Variants in ADGRA3 observed in about 807,000 individuals in gnomAD.
ADGRA3 encodes the protein G-protein coupled receptor 125.
ADGRA3 carries 56 observed loss-of-function variants against 119.8 expected under a neutral mutation model. The ratio of observed to expected loss-of-function variants is 0.47; its 90% CI spans 0.38 to 0.58. The LOEUF is 0.58. ADGRA3 is among the 20% of genes least tolerant of loss of function. ADGRA3 has a pLI of 0.00. For synonymous variants in ADGRA3, 607 were observed against 623.8 expected (o/e 0.97, Z 0.40); for missense variants, 1,516 against 1,649.0 (o/e 0.92, Z 1.40).
At chr4:22,441,411 G>A (rs139524583) in intron 7 of ADGRA3, among the ~76,000 whole-genome samples, 137 of 152,276 alleles carry the variant, frequency 9.0e-4, no homozygotes, top group Middle Eastern at 6.8e-3. Flanking sequence ...GTCAGAGGTC[G>A]GCAGACTTTT....
At position 22,388,829 on chromosome 4, in the gene ADGRA3, G is replaced by C. The variant is rs761917636; in HGVS notation, c.2842C>G (p.Arg948Gly). The change falls in exon 19 of 19, where the codon CGC (arginine) becomes GGC (glycine). Residue 948 changes from arginine (R) to glycine (G), a missense_variant. Around this residue, in one of 2 missense-constraint regions of ADGRA3, gnomAD observed 1,088 missense variants for 1,107.1 expected, o/e 0.98. Transcript: ENST00000334304. ...GTGGGCTCCTTAAGCTCATATTTGC[G>C]CTCAGGGTGTCTTTTCAACTGAATA... Reference protein sequence around the residue: ...IFIQLKRHPERKYELKEPTEE... With the variant: ...IFIQLKRHPEGKYELKEPTEE... 5 of 1,613,830 alleles carry C rather than the reference G, an allele frequency of 3.1e-6. No individual in the cohort carries two copies. The highest frequency in any genetic ancestry group is 4.2e-6 in the Non-Finnish European group (5 of 1,179,962).
intron 1 of ADGRA3, among the ~76,000 whole-genome samples, chr4:22,505,250 A>G (rs946540714): frequency 9.2e-5 from 14 of 152,312 alleles, no homozygotes; most frequent in African/African-American, 2.9e-4. Flanking sequence ...GGACATGGGA[A>G]AAAAAGCAAT....
chr4:22,418,839 A>G (rs769157726), intron 12 of ADGRA3, among the ~76,000 whole-genome samples: 2 of 152,156 alleles, frequency 1.3e-5, no homozygotes, highest in Non-Finnish European at 2.9e-5. Flanking sequence ...TGGTGAAAAG[A>G]GAGGTCTGGG....
intron 3 of ADGRA3, among the ~76,000 whole-genome samples, chr4:22,460,929 T>C (rs1157274159): frequency 6.6e-6 from 1 of 152,214 alleles, no homozygotes; most frequent in Non-Finnish European, 1.5e-5. Context: ...GGCTTTTGTG[T>C]AGAGCCGCTT....
At chr4:22,433,773 A>T (rs2323408) in intron 10 of ADGRA3, among the ~76,000 whole-genome samples, 136,262 of 151,788 alleles carry the variant, frequency 0.9, 62,345 homozygotes, top group South Asian at 0.98. Context: ...TGTGGGCACC[A>T]ACCCTGTCAT....
intron 3 of ADGRA3, among the ~76,000 whole-genome samples, chr4:22,460,294 G>A (rs1717396263): frequency 6.6e-6 from 1 of 152,150 alleles, no homozygotes; most frequent in Admixed American, 6.5e-5. Context: ...TGTCATGTTG[G>A]CATAAGGATT....
chr4:22,443,346 AAC>A (rs1232765859), intron 6 of ADGRA3, among the ~76,000 whole-genome samples: 71 of 152,306 alleles, frequency 4.7e-4, no homozygotes, highest in African/African-American at 1.6e-3. Flanking sequence ...ATATACCGTA[AAC>A]AGTTTTTAAT....
At chr4:22,452,974 G>A (rs1717103374) in intron 4 of ADGRA3, among the ~76,000 whole-genome samples, 1 of 151,808 alleles carries the variant, frequency 6.6e-6, no homozygotes, top group East Asian at 2.0e-4. Flanking sequence ...TGGGTTGAGT[G>A]GATCACGAGG....
At chr4:22,503,419 GAATT>G (rs1719117997) in intron 1 of ADGRA3, among the ~76,000 whole-genome samples, 1 of 152,132 alleles carries the variant, frequency 6.6e-6, no homozygotes, top group Admixed American at 6.6e-5. Context: ...GATGGGAAAT[GAATT>G]AATTACTCAG....
chr4:22,466,543 A>G (rs1346647260), intron 2 of ADGRA3, among the ~76,000 whole-genome samples: 1 of 152,164 alleles, frequency 6.6e-6, no homozygotes, highest in African/African-American at 2.4e-5. Context: ...CCTGGCCAAC[A>G]TGGTGAAACC....
intron 6 of ADGRA3, among the ~76,000 whole-genome samples, chr4:22,444,258 A>C (rs1716742981): frequency 6.6e-6 from 1 of 152,168 alleles, no homozygotes; most frequent in South Asian, 2.1e-4. Context: ...ATTAACTATA[A>C]GATACAGAAT....
chr4:22,409,567 A>G (rs955352230), intron 14 of ADGRA3, among the ~76,000 whole-genome samples: 1 of 152,120 alleles, frequency 6.6e-6, no homozygotes, highest in Admixed American at 6.5e-5. Context: ...TGACAGTACT[A>G]TTTCTCATGA....
At position 22,413,075 on chromosome 4, in the gene ADGRA3, T is replaced by TAAAAAAAA. The variant is rs74406494; in HGVS notation, c.2232+99_2232+106dup. On this transcript the variant is annotated intron_variant, in intron 14 of 18. Coordinates refer to ENST00000334304, the MANE Select transcript of ADGRA3 (RefSeq NM_145290.4). ...CAAAGGGAGCAAATTATGTTAAAAGTAAAAAAAAAAAAAAAACAAAAAACA... is the reference window on the plus strand; with the variant it reads ...CAAAGGGAGCAAATTATGTTAAAAGTAAAAAAAAAAAAAAAAAAAAAAAACAAAAAACA... 378 of 726,988 alleles carry TAAAAAAAA rather than the reference T, an allele frequency of 5.2e-4. 1 individual carries two copies. Among genetic ancestry groups the TAAAAAAAA allele is most frequent in the African/African-American group, 3.0e-3 (140 of 46,408 alleles). The allele number at this position is 726,988 out of a possible 1,614,324, so 45.0% of individuals were successfully genotyped here.
intron 10 of ADGRA3, among the ~76,000 whole-genome samples, chr4:22,427,391 A>T (rs1192712036): frequency 7.2e-5 from 11 of 152,164 alleles, no homozygotes; most frequent in Admixed American, 6.6e-5. Context: ...TCATTATTAC[A>T]TGATCAAAGA....
At chr4:22,488,198 C>T (rs936778400) in intron 1 of ADGRA3, among the ~76,000 whole-genome samples, 1 of 152,134 alleles carries the variant, frequency 6.6e-6, no homozygotes, top group Non-Finnish European at 1.5e-5. Flanking sequence ...TGAATTGTTT[C>T]ATGGCTGCTT....
chr4:22,442,621 C>T (rs1577351324), intron 7 of ADGRA3, 29 bp downstream of exon 7: 7 of 1,478,984 alleles, frequency 4.7e-6, no homozygotes, highest in Non-Finnish European at 6.6e-6. Flanking sequence ...AGGCACAATT[C>T]TTCATTCAAA....
chr4:22,413,509 C>A lies in ADGRA3; in HGVS notation c.2023+92G>T, dbSNP rs762170305. 2.1e-6 allele frequency: 3 copies of A among 1,398,704 alleles called. No homozygotes were observed. In the African/African-American group the frequency reaches 4.3e-5, roughly 20 times the overall value. 86.6% of individuals were successfully genotyped at this position (1,398,704 alleles called of 1,614,324 possible). A position where few individuals can be genotyped will look rare whatever the true frequency, so the allele number is the denominator to read the frequency against. On this transcript the variant is annotated intron_variant, in intron 13 of 18. Coordinates refer to ENST00000334304, the MANE Select transcript of ADGRA3 (RefSeq NM_145290.4). The stretch of plus-strand genomic sequence containing the variant: ...TTTCTTCACTAGTGACTCATTAAAA[C>A]GAGAAAACACTAAAATAAGCATTTT...
At chr4:22,507,977 A>G (rs1281656838) in intron 1 of ADGRA3, among the ~76,000 whole-genome samples, 1 of 152,138 alleles carries the variant, frequency 6.6e-6, no homozygotes, top group Admixed American at 6.5e-5. Flanking sequence ...AAACATACGA[A>G]TTTGCATCCG....
chr4:22,507,935 T>A (rs16872759), intron 1 of ADGRA3, among the ~76,000 whole-genome samples: 19,821 of 152,198 alleles, frequency 0.13, 1,557 homozygotes, highest in East Asian at 0.35. Context: ...ATAAACTAAA[T>A]AAAGACATGT....
Sources: allele counts gnomAD v4.1 joint callset (sites outside exome capture counted in the v4.1 genomes callset), GRCh38; gene constraint gnomAD v4.1.1; regional missense constraint gnomAD v4.1.1; transcripts MANE v1.5; gene names NCBI Gene and HGNC (gene_info 2026-07-23, HGNC 2026-07-21).